ASAP1: variants seen among roughly 807,000 people sequenced by gnomAD.
ASAP1 encodes arf-GAP with SH3 domain, ANK repeat and PH domain-containing protein 1.
ASAP1 carries 43 observed loss-of-function variants against 145.2 expected under a neutral mutation model. The observed-to-expected ratio is 0.30, with a 90% confidence interval of 0.23 to 0.38. The LOEUF is 0.38. Among genes scored for constraint, ASAP1 ranks in the 10% least tolerant of loss-of-function variants. ASAP1 has a pLI of 1.00. For synonymous variants in ASAP1, 546 were observed against 515.5 expected (o/e 1.06, Z -0.80); for missense variants, 1,018 against 1,355.3 (o/e 0.75, Z 3.91).
rs188940812 is a variant in ASAP1 at position 130,257,731 on chromosome 8, T to C, written c.187-20737A>G. ...ACTAAAATTCATTACATTTCTGTTT[T>C]TTAAAAAATGTTTCTTTAACACAAT... On this transcript the variant is annotated intron_variant, in intron 3 of 29. Transcript: ENST00000518721. Among the ~76,000 whole-genome samples the C allele has an allele frequency of 1.4e-3, 212 of 152,104 alleles. 3 individuals are homozygous for C. Among genetic ancestry groups the C allele is most frequent in the African/African-American group, 5.0e-3 (208 of 41,420 alleles).
chr8:130,375,228 T>A (rs1188442622), intron 2 of ASAP1, among the ~76,000 whole-genome samples: 3 of 152,084 alleles, frequency 2.0e-5, no homozygotes, highest in Non-Finnish European at 4.4e-5. Flanking sequence ...TCTAAACCCT[T>A]GGATCCCCCA....
chr8:130,411,284 T>G (rs1829254089), intron 1 of ASAP1, among the ~76,000 whole-genome samples: 1 of 152,236 alleles, frequency 6.6e-6, no homozygotes, highest in African/African-American at 2.4e-5. Flanking sequence ...CCTGCCACTC[T>G]GCCCCAAGAG....
At chr8:130,317,629 A>C (rs1823745425) in intron 3 of ASAP1, among the ~76,000 whole-genome samples, 1 of 152,234 alleles carries the variant, frequency 6.6e-6, no homozygotes, top group Non-Finnish European at 1.5e-5. Context: ...TACTATCATA[A>C]CACCTTCCAC....
intron 24 of ASAP1, among the ~76,000 whole-genome samples, chr8:130,097,678 G>A (rs555811839): frequency 3.3e-5 from 5 of 152,278 alleles, no homozygotes; most frequent in African/African-American, 7.2e-5. Context: ...GCAGGCCCAC[G>A]GGCAGTTTTC....
intron 1 of ASAP1, among the ~76,000 whole-genome samples, chr8:130,405,114 G>C (rs967836701): frequency 2.6e-5 from 4 of 151,920 alleles, no homozygotes; most frequent in African/African-American, 4.8e-5. Context: ...AATTCACATG[G>C]GAATATTAAT....
rs532769290 is a variant in ASAP1, at chr8:130,251,343, G to C, written c.187-14349C>G. On this transcript the variant is annotated intron_variant, in intron 3 of 29. Transcript: ENST00000518721. ...TGAGGCAGGAGAAGTGCTTGAACCT[G>C]GGGGGAGGAGGCTGAAGTGAGATGA... Among the ~76,000 whole-genome samples the C allele has an allele frequency of 5.0e-4, 76 of 152,216 alleles. 1 individual carries two copies. In the South Asian group the frequency reaches 0.014, roughly 28 times the overall value.
intron 3 of ASAP1, among the ~76,000 whole-genome samples, chr8:130,352,614 G>C (rs1826066180): frequency 6.6e-6 from 1 of 152,204 alleles, no homozygotes; most frequent in Non-Finnish European, 1.5e-5. Context: ...ATCTGATACT[G>C]GTTGTATGAC....
intron 1 of ASAP1, among the ~76,000 whole-genome samples, chr8:130,406,935 C>T (rs1441712374): frequency 6.6e-6 from 1 of 152,200 alleles, no homozygotes; most frequent in Non-Finnish European, 1.5e-5. Flanking sequence ...AGCTGAAATT[C>T]CACCTCTTCT....
chr8:130,117,821 A>C (rs995101754), intron 20 of ASAP1, among the ~76,000 whole-genome samples: 5 of 152,246 alleles, frequency 3.3e-5, no homozygotes, highest in Admixed American at 3.3e-4. Context: ...TTGGATACAG[A>C]CATAATTTTA....
chr8:130,373,127 C>T (rs1827305814), intron 2 of ASAP1, among the ~76,000 whole-genome samples: 1 of 148,988 alleles, frequency 6.7e-6, no homozygotes, highest in African/African-American at 2.5e-5. Flanking sequence ...CACACACACA[C>T]ACACACACAC....
chr8:130,305,467 G>A (rs532501855), intron 3 of ASAP1, among the ~76,000 whole-genome samples: 2 of 152,246 alleles, frequency 1.3e-5, no homozygotes, highest in Admixed American at 6.5e-5. Context: ...GGGTTCAAGC[G>A]ATTCTCTTGC....
chr8:130,385,304 AAAAT>A (rs968019891), intron 2 of ASAP1, among the ~76,000 whole-genome samples: 6 of 152,202 alleles, frequency 3.9e-5, no homozygotes, highest in Admixed American at 1.3e-4. Flanking sequence ...CGTCTCCACT[AAAAT>A]AAATAAATAA....
chr8:130,358,149 G>T lies in ASAP1; in HGVS notation c.60-6C>A. The T allele has an allele frequency of 6.2e-7, 1 of 1,600,800 alleles. No homozygotes were observed. Among genetic ancestry groups the T allele is most frequent in the South Asian group, 1.1e-5 (1 of 90,182 alleles). ...CAGAGATCTGGTCCGGCATCCTGCC[G>T]GGAGGGACGAGACACAAGCGGGGGC... On this transcript the variant is annotated splice_polypyrimidine_tract_variant and splice_region_variant and intron_variant, in intron 2 of 29. Transcript: ENST00000518721. The surrounding 1 kb of genome is among the most constrained non-coding windows in gnomAD (Gnocchi z 4.1).
At chr8:130,350,208 T>C (rs1315490867) in intron 3 of ASAP1, among the ~76,000 whole-genome samples, 2 of 152,318 alleles carry the variant, frequency 1.3e-5, no homozygotes, top group East Asian at 3.9e-4. Context: ...CTCCACTCTT[T>C]CCACCTAGAA....
At chr8:130,351,753 A>G (rs553214167) in intron 3 of ASAP1, among the ~76,000 whole-genome samples, 1 of 152,200 alleles carries the variant, frequency 6.6e-6, no homozygotes, top group African/African-American at 2.4e-5. Context: ...ACCATTCATG[A>G]GGCATCCGCC....
At chr8:130,206,051 T>C (rs1043382338) in intron 5 of ASAP1, among the ~76,000 whole-genome samples, 1 of 151,720 alleles carries the variant, frequency 6.6e-6, no homozygotes, top group African/African-American at 2.4e-5. Context: ...ATTTTTATAA[T>C]AAATATGTAT....
intron 13 of ASAP1, 55 bp downstream of exon 13, chr8:130,152,681 T>A (rs2097649096): frequency 7.3e-7 from 1 of 1,371,416 alleles, no homozygotes; most frequent in Non-Finnish European, 1.0e-6. Context: ...GCTGAGTACA[T>A]AATCGTGTTT....
chr8:130,067,211 G>A (rs905829917), intron 27 of ASAP1, among the ~76,000 whole-genome samples: 5 of 152,164 alleles, frequency 3.3e-5, no homozygotes, highest in Admixed American at 3.3e-4. Flanking sequence ...GTAAAGGCCT[G>A]AGTACAGTTA....
At chr8:130,124,830 T>C (rs1348289216) in intron 17 of ASAP1, among the ~76,000 whole-genome samples, 1 of 152,214 alleles carries the variant, frequency 6.6e-6, no homozygotes, top group African/African-American at 2.4e-5. Flanking sequence ...GTTTCATTAA[T>C]ACAGGTCAAG....
Sources: allele counts gnomAD v4.1 joint callset (sites outside exome capture counted in the v4.1 genomes callset), GRCh38; gene constraint gnomAD v4.1.1; non-coding constraint Gnocchi (gnomAD v3.1); transcripts MANE v1.5; gene names NCBI Gene and HGNC (gene_info 2026-07-23, HGNC 2026-07-21).